The following MUC5AC variants were observed in gnomAD, a reference collection of about 807,000 sequenced individuals.
MUC5AC encodes the protein mucin-5AC.
Under a neutral mutation model 169.7 loss-of-function variants are expected in MUC5AC, and 158 were observed. The observed-to-expected ratio is 0.93, with a 90% CI of 0.82 to 1.06. MUC5AC has a LOEUF of 1.06. MUC5AC is among the 50% of genes least tolerant of loss of function. The pLI, the probability that MUC5AC is intolerant of heterozygous loss-of-function variation, is 0.00. For missense variants in MUC5AC, 4,359 were observed against 3,089.9 expected (o/e 1.41, Z -9.74); for synonymous variants, 1,975 against 1,237.0 (o/e 1.60, Z -12.52).
At position 1,195,975 on chromosome 11, in the gene MUC5AC, C is replaced by T. The variant is rs767800365; in HGVS notation, c.15558C>T (p.Ser5186=). 1.3e-6 allele frequency: 1 copy of T among 765,030 alleles called. No homozygotes were observed. Among genetic ancestry groups the T allele is most frequent in the South Asian group, 1.3e-5 (1 of 74,620 alleles). The allele number at this position is 765,030 out of a possible 1,614,324, so 47.4% of individuals were successfully genotyped here. Residue 5186 remains serine, a synonymous_variant, in exon 37 of 49, where the codon TCC becomes TCT. Coordinates refer to ENST00000621226, the MANE Select transcript of MUC5AC (RefSeq NM_001304359.2). ...TGACGGACCTGGATGTGGTGTGCTC[C>T]AGCCTGGAGCTGTACGCGGCACTCT... ...CHMTDLDVVC[S]SLELYAALCA...
intron 15 of MUC5AC, among the ~76,000 whole-genome samples, chr11:1,170,477 C>G (rs1188568422): frequency 1.6e-5 from 2 of 122,268 alleles, no homozygotes; most frequent in African/African-American, 3.1e-5. Context: ...ACCCATTCAC[C>G]CACTCACCCA....
At position 1,200,763 on chromosome 11, in the gene MUC5AC, T is replaced by C; in HGVS notation, c.*61T>C. The stretch of plus-strand genomic sequence containing the variant: ...CTCCCATATGTCCTCTGAGCTCGGC[T>C]TCCAAGGCCAGTGGAACTTGTGCCC... On this transcript the variant is annotated 3_prime_UTR_variant, in exon 49 of 49. Coordinates refer to ENST00000621226, the MANE Select transcript of MUC5AC (RefSeq NM_001304359.2). 1 of 666,968 alleles carries C rather than the reference T, an allele frequency of 1.5e-6. No individual in the cohort carries two copies. The highest frequency in any genetic ancestry group is 2.7e-6 in the Non-Finnish European group (1 of 367,988). The allele number at this position is 666,968 out of a possible 1,614,324, so 41.3% of individuals were successfully genotyped here. A position where few individuals can be genotyped will look rare whatever the true frequency, so the allele number is the denominator to read the frequency against.
chr11:1,181,624 C>G (rs1335154092), intron 30 of MUC5AC, among the ~76,000 whole-genome samples, 165 bp downstream of exon 30: 1 of 152,176 alleles, frequency 6.6e-6, no homozygotes, highest in Non-Finnish European at 1.5e-5. Flanking sequence ...GGATGACCTG[C>G]TGTTTCCCCA....
rs1339104197 is a variant in MUC5AC, at chr11:1,192,210, C to T, written c.14065C>T (p.Leu4689=). The part of the protein sequence containing the change: ...ESHPEVNIEH[L]GQVVQCSREE... ...CCACCCGGAGGTGAACATTGAACAC[C>T]TGGGTCAGGTGGTGCAGTGCAGCCG... Residue 4689 remains leucine (L), a synonymous_variant, in exon 31 of 49, where the codon CTG becomes TTG. Transcript: ENST00000621226. 5.2e-6 allele frequency: 4 copies of T among 765,034 alleles called. No homozygotes were observed. Among genetic ancestry groups the T allele is most frequent in the Admixed American group, 5.1e-5 (3 of 59,018 alleles). 47.4% of individuals were successfully genotyped at this position (765,034 alleles called of 1,614,324 possible). A position where few individuals can be genotyped will look rare whatever the true frequency, so the allele number is the denominator to read the frequency against.
At chr11:1,192,590 G>T in intron 31 of MUC5AC, 65 bp downstream of exon 31, 1 of 735,978 alleles carries the variant, frequency 1.4e-6, no homozygotes, top group Admixed American at 1.7e-5. Flanking sequence ...ATCCAGGAAC[G>T]CCAAGCTGTG....
In MUC5AC at chr11:1,200,525, C is replaced by T. The variant is rs1861400169; in HGVS notation, c.16788C>T (p.Cys5596=). ...RTSLRNVTLH[C]TDGSSRAFSY... is the part of the protein sequence containing the mutation. ...CGCTGAGGAATGTGACCCTGCACTG[C>T]ACCGACGGCTCCAGCCGGGCCTTCA... The change falls in exon 49 of 49, where the codon TGC becomes TGT. Residue 5596 remains cysteine (C), a synonymous_variant. Coordinates refer to ENST00000621226, the MANE Select transcript of MUC5AC (RefSeq NM_001304359.2). 1 of 760,728 alleles carries T rather than the reference C, an allele frequency of 1.3e-6. No individual in the cohort carries two copies. Among genetic ancestry groups the T allele is most frequent in the African/African-American group, 1.7e-5 (1 of 59,026 alleles). 47.1% of individuals were successfully genotyped at this position (760,728 alleles called of 1,614,324 possible). A position where few individuals can be genotyped will look rare whatever the true frequency, so the allele number is the denominator to read the frequency against.
rs767114898 is a variant in MUC5AC at position 1,199,083 on chromosome 11, G to T, written c.16297-4G>T. 5.2e-6 allele frequency: 4 copies of T among 764,058 alleles called. No individual in the cohort carries two copies. The highest frequency in any genetic ancestry group is 2.4e-6 in the Non-Finnish European group (1 of 417,478). 47.3% of individuals were successfully genotyped at this position (764,058 alleles called of 1,614,324 possible). A position where few individuals can be genotyped will look rare whatever the true frequency, so the allele number is the denominator to read the frequency against. On this transcript the variant is annotated splice_polypyrimidine_tract_variant and splice_region_variant and intron_variant, in intron 44 of 48. Coordinates refer to ENST00000621226, the MANE Select transcript of MUC5AC (RefSeq NM_001304359.2). The stretch of plus-strand genomic sequence containing the variant: ...TTCCAGCCACATGTCCATCCCTCCC[G>T]CAGGGCTTCGAGTACCAGGAGCAGA...
chr11:1,190,867 C>A lies in MUC5AC; in HGVS notation c.12722C>A (p.Thr4241Lys), dbSNP rs1185528672. Residue 4241 changes from threonine to lysine, a missense_variant, in exon 31 of 49, where the codon ACA (threonine) becomes AAA (lysine). By Grantham distance (78) the Thr-to-Lys change is moderately conservative. Coordinates refer to ENST00000621226, the MANE Select transcript of MUC5AC (RefSeq NM_001304359.2). ...ACAACCTCTGCCTCTACAACCAGCA[C>A]AACTTCTGCTCCTACAACCAGCACA... ...TSTTSASTTSTTSAPTTSTTS... is the reference protein window; with the variant it reads ...TSTTSASTTSKTSAPTTSTTS... The A allele has an allele frequency of 1.6e-5, 12 of 742,570 alleles. No individual in the cohort carries two copies. The East Asian group carries it at 3.0e-4, about 18-fold the overall frequency. 46.0% of individuals were successfully genotyped at this position (742,570 alleles called of 1,614,324 possible).
rs55863018 is a variant in MUC5AC at position 1,164,475 on chromosome 11, C to G, written c.1072C>G (p.Gln358Glu). 25,996 of 1,611,886 alleles carry G rather than the reference C, an allele frequency of 0.016. 279 individuals are homozygous for G. Among genetic ancestry groups the G allele is most frequent in the Middle Eastern group, 0.019 (118 of 6,058 alleles). ...RSPCADTCSN[Q>E]EHSRACEDHC... ...CCCCTGCGCAGACACCTGCTCCAAC[C>G]AGGAGCACTCCCGGGCCTGTGAGGA... Residue 358 changes from glutamine to glutamate, a missense_variant, in exon 9 of 49, where the codon CAG becomes GAG. Transcript: ENST00000621226.
At chr11:1,163,520 C>T (rs146879179) in intron 6 of MUC5AC, among the ~76,000 whole-genome samples, 102 of 152,320 alleles carry the variant, frequency 6.7e-4, no homozygotes, top group African/African-American at 2.4e-3. Context: ...GCAAGGCAGG[C>T]TCAGTGCTGG....
rs1861212640 is a variant in MUC5AC, at chr11:1,194,613, ATCT to A, written c.15137_15139del (p.Phe5046del). 1 of 764,462 alleles carries A rather than the reference ATCT, an allele frequency of 1.3e-6. No homozygotes were observed. The highest frequency in any genetic ancestry group is 1.7e-5 in the Admixed American group (1 of 58,970). The allele number at this position is 764,462 out of a possible 1,614,324, so 47.4% of individuals were successfully genotyped here. A position where few individuals can be genotyped will look rare whatever the true frequency, so the allele number is the denominator to read the frequency against. ...AGTCCAGGTCATGTTCTCCGGCCTC[ATCT>A]TCTCCGTGGAGGTGCCCTTCAGCAA... On this transcript the variant is annotated inframe_deletion, in exon 35 of 49. Coordinates refer to ENST00000621226, the MANE Select transcript of MUC5AC (RefSeq NM_001304359.2).
At chr11:1,172,851 C>G (rs2133738593) in intron 16 of MUC5AC, among the ~76,000 whole-genome samples, 1 of 151,078 alleles carries the variant, frequency 6.6e-6, no homozygotes, top group East Asian at 2.0e-4. Flanking sequence ...CCCACTCATC[C>G]ACCCATTCAC....
Position 1,188,634 on chromosome 11 carries a change from G to A in MUC5AC, c.10489G>A (p.Val3497Ile), listed in dbSNP as rs1861012363. 3.9e-6 allele frequency: 3 copies of A among 765,038 alleles called. No individual in the cohort carries two copies. Among genetic ancestry groups the A allele is most frequent in the South Asian group, 1.3e-5 (1 of 74,602 alleles). The allele number at this position is 765,038 out of a possible 1,614,324, so 47.4% of individuals were successfully genotyped here. A position where few individuals can be genotyped will look rare whatever the true frequency, so the allele number is the denominator to read the frequency against. Residue 3497 changes from valine to isoleucine, a missense_variant, in exon 31 of 49, where the codon GTT (valine) becomes ATT (isoleucine). By Grantham distance (29) the Val-to-Ile change is conservative. Coordinates refer to ENST00000621226, the MANE Select transcript of MUC5AC (RefSeq NM_001304359.2). Reference protein sequence around the residue: ...SPVTTTSTASVSKTSTSHVSV... With the variant: ...SPVTTTSTASISKTSTSHVSV... ...TGTTACCACCACCAGCACAGCCTCT[G>A]TTTCAAAGACCAGCACAAGCCATGT...
chr11:1,162,459 C>A, intron 4 of MUC5AC, 73 bp from the exon 5 acceptor site: 2 of 1,356,928 alleles, frequency 1.5e-6, no homozygotes, highest in South Asian at 2.4e-5. Context: ...ACATTTGCGA[C>A]CGCAGGCATC....
intron 23 of MUC5AC, 29 bp from the exon 24 acceptor site, chr11:1,177,425 G>C: frequency 2.5e-6 from 1 of 400,776 alleles, no homozygotes; most frequent in East Asian, 3.5e-5. Context: ...GTTCTTGCTG[G>C]GGGCCCTGAG....
chr11:1,194,412 G>A (rs946868108), intron 34 of MUC5AC, 52 bp downstream of exon 34: 7 of 710,482 alleles, frequency 9.9e-6, no homozygotes, highest in East Asian at 2.6e-5. Flanking sequence ...CGGCTTTCCC[G>A]GCAAGAGCCT....
rs1294938126 is a variant in MUC5AC, at chr11:1,186,596, G to C, written c.8451G>C (p.Gln2817His). 4.3e-6 allele frequency: 3 copies of C among 698,974 alleles called. No individual in the cohort carries two copies. The highest frequency in any genetic ancestry group is 7.8e-6 in the Non-Finnish European group (3 of 386,826). 43.3% of individuals were successfully genotyped at this position (698,974 alleles called of 1,614,324 possible). A position where few individuals can be genotyped will look rare whatever the true frequency, so the allele number is the denominator to read the frequency against. The stretch of plus-strand genomic sequence containing the variant: ...TAAGCAGCACAACTTCCACACCACA[G>C]ACCAGCACAACTTCGGCTCCTACAA... Reference protein sequence around the residue: ...APISSTTSTPQTSTTSAPTTS... With the variant: ...APISSTTSTPHTSTTSAPTTS... Residue 2817 changes from glutamine (Q) to histidine (H), a missense_variant, in exon 31 of 49, where the codon CAG becomes CAC. Coordinates refer to ENST00000621226, the MANE Select transcript of MUC5AC (RefSeq NM_001304359.2).
At chr11:1,162,930 G>A in intron 5 of MUC5AC, 25 bp from the exon 6 acceptor site, 1 of 1,602,252 alleles carries the variant, frequency 6.2e-7, no homozygotes, top group Non-Finnish European at 8.5e-7. Flanking sequence ...GTGGGGATGG[G>A]TGTCTGATGT....
chr11:1,200,443 C>T lies in MUC5AC; in HGVS notation c.16706C>T (p.Ser5569Leu), dbSNP rs540816627. 5.9e-4 allele frequency: 414 copies of T among 699,748 alleles called. No homozygotes were observed. The highest frequency in any genetic ancestry group is 1.5e-3 in the South Asian group (104 of 67,418). 43.3% of individuals were successfully genotyped at this position (699,748 alleles called of 1,614,324 possible). A position where few individuals can be genotyped will look rare whatever the true frequency, so the allele number is the denominator to read the frequency against. Reference sequence around the variant, plus strand: ...TGAGCAGCCCCTGCCCACAGGTACTCGCTCGAGGGCAACACGGTGGAGCAC... The same window carrying T: ...TGAGCAGCCCCTGCCCACAGGTACTTGCTCGAGGGCAACACGGTGGAGCAC... ...GNCGDSSSMY[S>L]LEGNTVEHRC... The change falls in exon 49 of 49, where the codon TCG becomes TTG. Residue 5569 changes from serine to leucine, a missense_variant. Physicochemically the swap from Ser to Leu is moderately radical, Grantham distance 145. Transcript: ENST00000621226.
Sources: gnomAD v4.1 joint callset for allele counts (sites outside exome capture counted in the v4.1 genomes callset) on GRCh38, gnomAD v4.1.1 for gene constraint, MANE v1.5 for transcripts, NCBI Gene and HGNC (gene_info 2026-07-23, HGNC 2026-07-21) for gene names.